Variants in EPHA3 observed in about 807,000 individuals in gnomAD.
EPHA3 encodes the protein EPH receptor A3.
In EPHA3, 42 loss-of-function variants were observed where a neutral mutation model predicts 107.1. The observed-to-expected ratio is 0.39, with a 90% confidence interval of 0.31 to 0.51. The LOEUF is 0.51. Among genes scored for constraint, EPHA3 ranks in the 20% least tolerant of loss-of-function variants. The pLI is 0.78. For synonymous variants in EPHA3, 461 were observed against 424.8 expected (o/e 1.09, Z -1.05); for missense variants, 1,183 against 1,211.2 (o/e 0.98, Z 0.35).
chr3:89,121,721 C>T (rs911323645), intron 1 of EPHA3, among the ~76,000 whole-genome samples: 6 of 149,662 alleles, frequency 4.0e-5, no homozygotes, highest in Non-Finnish European at 8.9e-5. Flanking sequence ...TGTGCCACTG[C>T]ACTCCAGCCT....
chr3:89,435,924 G>T (rs1709661319), intron 13 of EPHA3, among the ~76,000 whole-genome samples: 1 of 150,546 alleles, frequency 6.6e-6, no homozygotes, highest in Non-Finnish European at 1.5e-5. Flanking sequence ...TTGCACTCTA[G>T]CCTGGGGGAC....
intron 3 of EPHA3, among the ~76,000 whole-genome samples, chr3:89,239,505 C>G (rs1704845500): frequency 1.3e-5 from 2 of 152,022 alleles, no homozygotes; most frequent in African/African-American, 4.8e-5. Context: ...AATTTTAAAA[C>G]CAAAGCCACT....
chr3:89,312,124 C>T (rs1047606945), intron 3 of EPHA3, among the ~76,000 whole-genome samples: 3 of 152,012 alleles, frequency 2.0e-5, no homozygotes, highest in Non-Finnish European at 4.4e-5. Context: ...CTATGTATTT[C>T]CTGGTTTCAC....
chr3:89,350,180 G>A (rs1205285946), intron 5 of EPHA3, among the ~76,000 whole-genome samples: 5 of 150,818 alleles, frequency 3.3e-5, no homozygotes, highest in South Asian at 2.1e-4. Flanking sequence ...CTAGATTGGG[G>A]AAGTTCTCCT....
At chr3:89,260,527 GTTAT>G in intron 3 of EPHA3, among the ~76,000 whole-genome samples, 1 of 151,884 alleles carries the variant, frequency 6.6e-6, no homozygotes, top group East Asian at 1.9e-4. Context: ...TTTAAATCAG[GTTAT>G]TTATTTTTCT....
intron 2 of EPHA3, among the ~76,000 whole-genome samples, chr3:89,205,953 T>C (rs991396805): frequency 1.3e-5 from 2 of 152,168 alleles, no homozygotes; most frequent in Non-Finnish European, 1.5e-5. Context: ...TTACAAAGCA[T>C]GAGCATTATA....
At chr3:89,416,025 G>A (rs1223666252) in intron 10 of EPHA3, among the ~76,000 whole-genome samples, 1 of 151,354 alleles carries the variant, frequency 6.6e-6, no homozygotes, top group Admixed American at 6.6e-5. Context: ...AGCTGACACA[G>A]AAGCATTGTT....
intron 3 of EPHA3, among the ~76,000 whole-genome samples, chr3:89,335,056 CT>C (rs1454527956): frequency 6.6e-6 from 1 of 152,076 alleles, no homozygotes; most frequent in Non-Finnish European, 1.5e-5. Flanking sequence ...AACTGATCTC[CT>C]TTTTAAAAGC....
chr3:89,340,421 A>G (rs933790976), intron 3 of EPHA3, among the ~76,000 whole-genome samples: 18 of 152,374 alleles, frequency 1.2e-4, no homozygotes, highest in African/African-American at 4.1e-4. Context: ...TTTATCAAGA[A>G]TCTTAAAAAT....
intron 3 of EPHA3, among the ~76,000 whole-genome samples, chr3:89,311,031 T>C (rs1481327997): frequency 1.3e-5 from 2 of 151,984 alleles, no homozygotes; most frequent in South Asian, 2.1e-4. Context: ...ATAGTGTTCA[T>C]AGTGGTACTG....
At chr3:89,369,343 C>T (rs1271433199) in intron 5 of EPHA3, among the ~76,000 whole-genome samples, 2 of 150,802 alleles carry the variant, frequency 1.3e-5, no homozygotes. Context: ...AGAAATAATG[C>T]CACGTATCTA....
intron 11 of EPHA3, among the ~76,000 whole-genome samples, chr3:89,422,813 A>G (rs1458576696): frequency 6.6e-6 from 1 of 151,464 alleles, no homozygotes; most frequent in Non-Finnish European, 1.5e-5. Flanking sequence ...TCATTTGAAG[A>G]AAACTTTTCT....
intron 5 of EPHA3, among the ~76,000 whole-genome samples, chr3:89,344,424 T>C (rs1271008081): frequency 6.6e-6 from 1 of 152,214 alleles, no homozygotes; most frequent in Non-Finnish European, 1.5e-5. Flanking sequence ...GTGTTTATAA[T>C]ATGCACCACC....
chr3:89,218,920 G>A (rs1212703561), intron 3 of EPHA3, among the ~76,000 whole-genome samples: 4 of 152,136 alleles, frequency 2.6e-5, no homozygotes, highest in Non-Finnish European at 4.4e-5. Context: ...AAGTCGGTGT[G>A]GCGATTCCTC....
At chr3:89,325,454 A>G (rs1707143401) in intron 3 of EPHA3, among the ~76,000 whole-genome samples, 1 of 152,178 alleles carries the variant, frequency 6.6e-6, no homozygotes. Flanking sequence ...AAACCTTTCA[A>G]TAACCCCTGA....
chr3:89,389,731 G>A (rs1708687508), intron 5 of EPHA3, among the ~76,000 whole-genome samples: 1 of 152,218 alleles, frequency 6.6e-6, no homozygotes. Context: ...AGATCTGGCA[G>A]ACACATGTAT....
intron 5 of EPHA3, among the ~76,000 whole-genome samples, chr3:89,381,090 A>G (rs1459639528): frequency 6.6e-6 from 1 of 151,918 alleles, no homozygotes; most frequent in African/African-American, 2.4e-5. Context: ...CTCTTGCCTC[A>G]GCCTCCAGAG....
intron 3 of EPHA3, among the ~76,000 whole-genome samples, chr3:89,283,347 G>A (rs1319653019): frequency 6.6e-6 from 1 of 151,986 alleles, no homozygotes; most frequent in Non-Finnish European, 1.5e-5. Context: ...CATTTATCTG[G>A]TGGGGGCTGG....
At chr3:89,276,275 C>G (rs1292926267) in intron 3 of EPHA3, among the ~76,000 whole-genome samples, 1 of 152,110 alleles carries the variant, frequency 6.6e-6, no homozygotes, top group African/African-American at 2.4e-5. Context: ...AACACTTTCT[C>G]TTAATCCCCT....
Sources: gnomAD v4.1 joint callset for allele counts (sites outside exome capture counted in the v4.1 genomes callset) on GRCh38, gnomAD v4.1.1 for gene constraint, MANE v1.5 for transcripts, NCBI Gene and HGNC (gene_info 2026-07-23, HGNC 2026-07-21) for gene names.